Variants in TMEM132D observed in about 807,000 individuals in gnomAD.
The protein encoded by TMEM132D is transmembrane protein 132D.
Under a neutral mutation model 62.3 loss-of-function variants are expected in TMEM132D, and 21 were observed. The ratio of observed to expected loss-of-function variants is 0.34; its 90% CI spans 0.24 to 0.49. The LOEUF is 0.49. Among genes scored for constraint, TMEM132D ranks in the 20% least tolerant of loss-of-function variants. The probability of loss-of-function intolerance (pLI) is 0.99; values close to 1 mark genes in which losing one functional copy is unlikely to be tolerated. For synonymous variants in TMEM132D, 621 were observed against 575.6 expected, an observed-to-expected ratio of 1.08 and a Z score of -1.13; for missense variants, 1,346 against 1,402.8, an observed-to-expected ratio of 0.96 and a Z score of 0.65.
intron 5 of TMEM132D, among the ~76,000 whole-genome samples, chr12:129,179,739 T>A (rs974507077): frequency 6.6e-6 from 1 of 152,132 alleles, no homozygotes; most frequent in Non-Finnish European, 1.5e-5. Flanking sequence ...TTCAAAAAAG[T>A]GACACCGGCC....
chr12:129,835,263 C>G (rs34423035), intron 1 of TMEM132D, among the ~76,000 whole-genome samples: 14,947 of 152,074 alleles, frequency 0.098, 826 homozygotes, highest in South Asian at 0.14. Context: ...AATTTTCTGT[C>G]CATGAGGTTT....
intron 3 of TMEM132D, among the ~76,000 whole-genome samples, chr12:129,524,614 T>C (rs11060396): frequency 0.28 from 43,024 of 152,078 alleles, 6,300 homozygotes; most frequent in Non-Finnish European, 0.32. Flanking sequence ...TCTCTCCAGA[T>C]TGATGGCTAA....
At chr12:129,205,323 C>A (rs1220311773) in intron 5 of TMEM132D, among the ~76,000 whole-genome samples, 2 of 145,784 alleles carry the variant, frequency 1.4e-5, no homozygotes, top group African/African-American at 2.5e-5. Context: ...GGAGAAAAAT[C>A]TACCAAAGAA....
chr12:129,816,612 A>G (rs1321060441), intron 1 of TMEM132D, among the ~76,000 whole-genome samples: 3 of 152,222 alleles, frequency 2.0e-5, no homozygotes, highest in Non-Finnish European at 4.4e-5. Flanking sequence ...CAAGAGAGAC[A>G]CAAATGATGA....
intron 1 of TMEM132D, among the ~76,000 whole-genome samples, chr12:129,750,808 T>G (rs1043289890): frequency 6.6e-6 from 1 of 152,032 alleles, no homozygotes; most frequent in Non-Finnish European, 1.5e-5. Context: ...ATGTATATTT[T>G]GAAGTAGCTA....
At position 129,385,404 on chromosome 12, in the gene TMEM132D, C is replaced by T. The variant is rs193062442; in HGVS notation, c.1116-47587G>A. On this transcript the variant is annotated intron_variant, in intron 3 of 8. Transcript: ENST00000422113. The stretch of plus-strand genomic sequence containing the variant: ...TACAAGCATGAGCCACCGTGCTTGG[C>T]CCTAAAGTGCTTCTTAAACATACTG... 1.1e-3 allele frequency among the ~76,000 whole-genome samples: 167 copies of T among 152,148 alleles called. 2 individuals are homozygous for T. The highest frequency in any genetic ancestry group is 6.8e-3 in the Middle Eastern group (2 of 294).
chr12:129,873,989 T>C (rs1022750850), intron 1 of TMEM132D, among the ~76,000 whole-genome samples: 4 of 152,212 alleles, frequency 2.6e-5, no homozygotes, highest in African/African-American at 7.2e-5. Flanking sequence ...TCTACCACTC[T>C]TCCTCTCCCG....
intron 3 of TMEM132D, among the ~76,000 whole-genome samples, chr12:129,482,177 A>G (rs1874447824): frequency 6.6e-6 from 1 of 152,194 alleles, no homozygotes; most frequent in Non-Finnish European, 1.5e-5. Context: ...CCCAGGTGCC[A>G]TGGAGTACGG....
At chr12:129,880,692 C>T (rs73440471) in intron 1 of TMEM132D, among the ~76,000 whole-genome samples, 6,131 of 152,042 alleles carry the variant, frequency 0.04, 403 homozygotes, top group African/African-American at 0.14. Context: ...CTGTATTGAA[C>T]ACCCTATGGC....
intron 4 of TMEM132D, among the ~76,000 whole-genome samples, chr12:129,274,467 T>TTTAAACACTG (rs1880949133): frequency 6.6e-6 from 1 of 152,198 alleles, no homozygotes; most frequent in Admixed American, 6.5e-5. Context: ...GCCCATATGG[T>TTTAAACACTG]CTCACAACCC....
Position 129,082,020 on chromosome 12 carries a change from G to A in TMEM132D, c.1662C>T (p.Asp554=), listed in dbSNP as rs141428297. 2.5e-6 allele frequency: 4 copies of A among 1,605,246 alleles called. No individual in the cohort carries two copies. In the African/African-American group the frequency reaches 4.0e-5, roughly 16 times the overall value. ...PIVSSRRPAG[D]SEEEEDDERR... is the part of the protein sequence containing the mutation. Reference sequence around the variant, plus strand: ...GCTCATCATCCTCCTCCTCTTCACTGTCCCCGGCAGGCCTGTGAAAGAAGC... The same window carrying A: ...GCTCATCATCCTCCTCCTCTTCACTATCCCCGGCAGGCCTGTGAAAGAAGC... The change falls in exon 7 of 9, where the codon GAC becomes GAT. Residue 554 remains aspartate, a synonymous_variant. Transcript: ENST00000422113.
chr12:129,750,531 G>A (rs1869965942), intron 1 of TMEM132D, among the ~76,000 whole-genome samples: 1 of 152,200 alleles, frequency 6.6e-6, no homozygotes, highest in South Asian at 2.1e-4. Flanking sequence ...GACCAACATT[G>A]CAGAATTACA....
intron 5 of TMEM132D, among the ~76,000 whole-genome samples, chr12:129,185,994 A>G (rs1026138033): frequency 6.6e-6 from 1 of 152,146 alleles, no homozygotes; most frequent in Non-Finnish European, 1.5e-5. Context: ...ATACTTTCTC[A>G]GATCTGCTGG....
chr12:129,836,309 C>A lies in TMEM132D; in HGVS notation c.79+66952G>T, dbSNP rs12308792. The stretch of plus-strand genomic sequence containing the variant: ...TCCTCCAGTCTAATGTGCTCCCTGA[C>A]CTCTGCAGACATTTGGAGCTGAGAC... On this transcript the variant is annotated intron_variant, in intron 1 of 8. Transcript: ENST00000422113. Among the ~76,000 whole-genome samples the A allele has an allele frequency of 4.4e-3, 638 of 143,540 alleles. 4 individuals carry two copies. The highest frequency in any genetic ancestry group is 0.015 in the African/African-American group (609 of 41,360). The allele number at this position is 143,540 out of a possible 152,430, so 94.2% of individuals were successfully genotyped here.
chr12:129,865,655 G>C (rs74687584), intron 1 of TMEM132D, among the ~76,000 whole-genome samples: 1,873 of 152,316 alleles, frequency 0.012, 42 homozygotes, highest in Admixed American at 0.05. Flanking sequence ...ACTGTGGGGA[G>C]CAAGGGTGTT....
chr12:129,762,677 C>A (rs1462023987), intron 1 of TMEM132D, among the ~76,000 whole-genome samples: 3 of 152,162 alleles, frequency 2.0e-5, no homozygotes, highest in Non-Finnish European at 4.4e-5. Flanking sequence ...GACATGGAAC[C>A]TGGCCCGGTT....
intron 5 of TMEM132D, among the ~76,000 whole-genome samples, chr12:129,182,574 G>T (rs1377901737): frequency 6.6e-6 from 1 of 152,208 alleles, no homozygotes; most frequent in African/African-American, 2.4e-5. Context: ...GAGAAGAGTT[G>T]GTTGTGTTTT....
At chr12:129,404,189 G>GTTAT (rs1419049982) in intron 3 of TMEM132D, among the ~76,000 whole-genome samples, 10 of 146,706 alleles carry the variant, frequency 6.8e-5, no homozygotes, top group South Asian at 4.2e-4. Flanking sequence ...CTGAGACTGG[G>GTTAT]TTATTTAGTT....
intron 4 of TMEM132D, among the ~76,000 whole-genome samples, chr12:129,242,334 T>C (rs1335247605): frequency 6.6e-6 from 1 of 152,232 alleles, no homozygotes; most frequent in Non-Finnish European, 1.5e-5. Flanking sequence ...AGTGAGTGCA[T>C]AGAATGCAGG....
Sources: allele counts gnomAD v4.1 joint callset (sites outside exome capture counted in the v4.1 genomes callset), GRCh38; gene constraint gnomAD v4.1.1; transcripts MANE v1.5; gene names NCBI Gene and HGNC (gene_info 2026-07-23, HGNC 2026-07-21).